The following ENTREP2 variants were observed in gnomAD, a reference collection of about 807,000 sequenced individuals.
ENTREP2 encodes protein ENTREP2.
chr15:29,654,984 T>A, the ENTREP2 span, among the ~76,000 whole-genome samples: 1 of 152,176 alleles, frequency 6.6e-6, no homozygotes, highest in African/African-American at 2.4e-5. Flanking sequence ...GTTATGCTGT[T>A]TCTATCTCTG....
At chr15:29,496,596 C>T in the ENTREP2 span, among the ~76,000 whole-genome samples, 4 of 151,862 alleles carry the variant, frequency 2.6e-5, no homozygotes, top group African/African-American at 9.7e-5. Context: ...TATTTCTATA[C>T]CTAAATTTGT....
chr15:29,263,176 T>C, the ENTREP2 span, among the ~76,000 whole-genome samples: 1 of 152,142 alleles, frequency 6.6e-6, no homozygotes, highest in African/African-American at 2.4e-5. Context: ...AACCTGAACA[T>C]AATCTTGAGA....
chr15:29,555,977 A>T, the ENTREP2 span, among the ~76,000 whole-genome samples: 1 of 152,250 alleles, frequency 6.6e-6, no homozygotes, highest in African/African-American at 2.4e-5. Flanking sequence ...ATTCCTGGCC[A>T]GGCACGGTGC....
the ENTREP2 span, among the ~76,000 whole-genome samples, chr15:29,635,433 C>A: frequency 1.3e-5 from 2 of 152,128 alleles, no homozygotes; most frequent in Non-Finnish European, 2.9e-5. Context: ...CCTGAGACAC[C>A]CAGCCTCGTC....
At chr15:29,653,344 C>G in the ENTREP2 span, among the ~76,000 whole-genome samples, 8 of 152,038 alleles carry the variant, frequency 5.3e-5, no homozygotes, top group Non-Finnish European at 1.0e-4. Context: ...TGTCTCTAAC[C>G]CTTATATCGA....
At chr15:29,415,777 A>G in the ENTREP2 span, among the ~76,000 whole-genome samples, 1 of 152,208 alleles carries the variant, frequency 6.6e-6, no homozygotes, top group Non-Finnish European at 1.5e-5. Context: ...CAATCTCCTT[A>G]AGCTGATAAG....
chr15:29,365,040 C>T, the ENTREP2 span, among the ~76,000 whole-genome samples: 2 of 152,154 alleles, frequency 1.3e-5, no homozygotes, highest in Admixed American at 6.5e-5. Flanking sequence ...AATAGTTTCA[C>T]TGCCCTGAAA....
the ENTREP2 span, among the ~76,000 whole-genome samples, chr15:29,536,842 G>A: frequency 6.6e-6 from 1 of 152,038 alleles, no homozygotes; most frequent in Non-Finnish European, 1.5e-5. Context: ...GGCAGAGACT[G>A]GACTGCTGAG....
At chr15:29,249,368 G>C in the ENTREP2 span, among the ~76,000 whole-genome samples, 1 of 152,104 alleles carries the variant, frequency 6.6e-6, no homozygotes, top group African/African-American at 2.4e-5. Flanking sequence ...TCACAAGGCA[G>C]CATGAAGTGG....
the ENTREP2 span, among the ~76,000 whole-genome samples, chr15:29,414,103 T>C: frequency 6.6e-6 from 1 of 151,908 alleles, no homozygotes; most frequent in Non-Finnish European, 1.5e-5. Flanking sequence ...GACAGAAAGT[T>C]AACAAGGATA....
At chr15:29,513,193 A>C in the ENTREP2 span, among the ~76,000 whole-genome samples, 6 of 152,142 alleles carry the variant, frequency 3.9e-5, no homozygotes, top group African/African-American at 1.4e-4. Context: ...TGGCAAAATA[A>C]AGCATCTTAG....
chr15:29,353,119 A>G, the ENTREP2 span, among the ~76,000 whole-genome samples: 1 of 151,886 alleles, frequency 6.6e-6, no homozygotes. Flanking sequence ...GCAGCCTTTT[A>G]AAAGGTAACA....
the ENTREP2 span, among the ~76,000 whole-genome samples, chr15:29,367,996 T>C: frequency 1.4e-5 from 2 of 140,498 alleles, no homozygotes; most frequent in Non-Finnish European, 3.0e-5. Context: ...ATGGCCCATA[T>C]TCAGGCAAAA....
chr15:29,605,701 T>TC, the ENTREP2 span, among the ~76,000 whole-genome samples: 1 of 151,334 alleles, frequency 6.6e-6, no homozygotes, highest in African/African-American at 2.4e-5. Context: ...CTGGGCATGA[T>TC]GGGGGGGTGC....
At chr15:29,497,388 C>T in the ENTREP2 span, among the ~76,000 whole-genome samples, 6 of 152,116 alleles carry the variant, frequency 3.9e-5, no homozygotes, top group African/African-American at 7.2e-5. Flanking sequence ...GTGAAGCCAT[C>T]GGATCCTGGA....
At chr15:29,198,496 A>ACT in the ENTREP2 span, among the ~76,000 whole-genome samples, 11 of 152,222 alleles carry the variant, frequency 7.2e-5, no homozygotes, top group African/African-American at 2.7e-4. Flanking sequence ...GGACTTAGAC[A>ACT]TTTTTGTCCA....
the ENTREP2 span, among the ~76,000 whole-genome samples, chr15:29,471,074 T>G: frequency 5.3e-5 from 8 of 152,196 alleles, no homozygotes; most frequent in Non-Finnish European, 1.2e-4. Flanking sequence ...CTCAGCCCAA[T>G]GCACTGGTTT....
At chr15:29,556,877 T>G in the ENTREP2 span, among the ~76,000 whole-genome samples, 2 of 151,604 alleles carry the variant, frequency 1.3e-5, no homozygotes, top group Non-Finnish European at 2.9e-5. Flanking sequence ...ACAATGTGAC[T>G]GGGTGCAGGA....
the ENTREP2 span, among the ~76,000 whole-genome samples, chr15:29,371,346 G>A: frequency 3.1e-4 from 23 of 74,480 alleles, no homozygotes; most frequent in African/African-American, 6.4e-4. Context: ...CCACACCCCC[G>A]CAAACACACA....
Sources: allele counts gnomAD v4.1 joint callset (sites outside exome capture counted in the v4.1 genomes callset), GRCh38; gene constraint gnomAD v4.1.1; transcripts MANE v1.5; gene names NCBI Gene and HGNC (gene_info 2026-07-23, HGNC 2026-07-21).